Variants in TEP1 observed in about 807,000 individuals in gnomAD.
TEP1 encodes telomerase protein component 1.
In TEP1, 241 loss-of-function variants were observed where a neutral mutation model predicts 306.3. That is an observed-to-expected ratio of 0.79 (90% CI 0.71 to 0.88). The LOEUF (loss-of-function observed/expected upper bound fraction) is 0.88, where lower values mean the gene tolerates loss of function less well. Among genes scored for constraint, TEP1 ranks in the 40% least tolerant of loss-of-function variants. TEP1 has a pLI of 0.00. For synonymous variants in TEP1, 1,289 were observed against 1,305.5 expected (o/e 0.99, Z 0.27); for missense variants, 3,051 against 3,276.1 (o/e 0.93, Z 1.68).
At chr14:20,410,508 C>T (rs1005051468) in intron 1 of TEP1, among the ~76,000 whole-genome samples, 20 of 151,994 alleles carry the variant, frequency 1.3e-4, no homozygotes, top group Non-Finnish European at 2.8e-4. Context: ...CTGCAACCTC[C>T]GCCTCCCAGG....
chr14:20,391,025 C>T lies in TEP1; in HGVS notation c.2169G>A (p.Leu723=), dbSNP rs763778595. The T allele has an allele frequency of 9.3e-6, 15 of 1,614,044 alleles. No homozygotes were observed. In the South Asian group the frequency reaches 1.5e-4, roughly 17 times the overall value. The change falls in exon 14 of 55, where the codon CTG becomes CTA. Residue 723 remains leucine (L), a synonymous_variant. Coordinates refer to ENST00000262715, the MANE Select transcript of TEP1 (RefSeq NM_007110.5). ...CAGTCTTCAGAGTGTCACCTCCACA[C>T]AGCACGACGTCCACCTGCTCCGCCC... is the stretch of plus-strand genomic sequence containing the variant. The part of the protein sequence containing the change: ...ITRAEQVDVV[L]CGGDTLKTAV...
In TEP1 at chr14:20,381,661, G is replaced by A. The variant is rs145747576; in HGVS notation, c.4450C>T (p.Arg1484Cys). 6.2e-5 allele frequency: 100 copies of A among 1,610,022 alleles called. No individual in the cohort carries two copies. In the African/African-American group the frequency reaches 9.1e-4, roughly 15 times the overall value. The part of the protein sequence containing the change: ...RSLLGEGPLE[R>C]PGARLCLPDG... The stretch of plus-strand genomic sequence containing the variant: ...GGGAGGCACAGCCGGGCACCAGGGC[G>A]CTCCAGAGGGCCCTCCCCTAGCAAA... The change falls in exon 31 of 55, where the codon CGC becomes TGC. Residue 1484 changes from arginine to cysteine, a missense_variant. Physicochemically the swap from Arg to Cys is radical, Grantham distance 180 (BLOSUM62 -3). Around this residue, in one of 3 missense-constraint regions of TEP1, gnomAD observed 1,540 missense variants for 1,705.9 expected, o/e 0.90. Transcript: ENST00000262715. This position sits in a 1 kb window ranked among gnomAD's most constrained non-coding sequence, Gnocchi z 4.0.
In TEP1 at chr14:20,377,347, G is replaced by C; in HGVS notation, c.6021C>G (p.Leu2007=). Residue 2007 remains leucine (L), a synonymous_variant, in exon 41 of 55, where the codon CTC becomes CTG. Transcript: ENST00000262715. ...LKECSLQSLW[L]LSRFQKPVLG... ...GCACAGGCTTCTGGAATCTGGACAG[G>C]AGCCAGAGGGACTGAAGGGAGCATT... 3 of 1,614,200 alleles carry C rather than the reference G, an allele frequency of 1.9e-6. No individual in the cohort carries two copies. The highest frequency in any genetic ancestry group is 2.5e-6 in the Non-Finnish European group (3 of 1,180,032).
intron 13 of TEP1, 47 bp downstream of exon 13, chr14:20,391,552 G>A: frequency 1.3e-6 from 2 of 1,578,196 alleles, no homozygotes; most frequent in Non-Finnish European, 1.7e-6. Flanking sequence ...AGGATCCCCA[G>A]CATTCTACCA....
intron 2 of TEP1, among the ~76,000 whole-genome samples, chr14:20,406,866 T>A (rs998210633): frequency 1.1e-4 from 17 of 152,244 alleles, no homozygotes; most frequent in African/African-American, 3.9e-4. Context: ...TATATGTATG[T>A]ATGACTCTTT....
At position 20,373,533 on chromosome 14, in the gene TEP1, C is replaced by A. The variant is rs1285640072; in HGVS notation, c.6655G>T (p.Ala2219Ser). 2.5e-6 allele frequency: 4 copies of A among 1,614,110 alleles called. No homozygotes were observed. Among genetic ancestry groups the A allele is most frequent in the Admixed American group, 1.7e-5 (1 of 60,012 alleles). Residue 2219 changes from alanine to serine, a missense_variant, in exon 46 of 55, where the codon GCC (alanine) becomes TCC (serine). Ala to Ser is a moderately conservative substitution (Grantham distance 99). This residue lies in a region of TEP1 where 1,540 missense variants were observed against 1,705.9 expected (regional missense o/e 0.90). Transcript: ENST00000262715. ...AAGAGTGGATGCCATAACCGTGTGGCCCCATCTAGCCCGACGGTTACCACC... is the reference window on the plus strand; with the variant it reads ...AAGAGTGGATGCCATAACCGTGTGGACCCATCTAGCCCGACGGTTACCACC... ...LLVVTVGLDGATRLWHPLLVC... is the reference protein window; with the variant it reads ...LLVVTVGLDGSTRLWHPLLVC...
chr14:20,389,817 G>A lies in TEP1; in HGVS notation c.2335-77C>T. On this transcript the variant is annotated intron_variant, in intron 15 of 54. Transcript: ENST00000262715. ...GGACATTAAGATATGAGCTTTCTGA[G>A]GACAGGAGGATTAGGAGAACTCTGA... The A allele has an allele frequency of 3.2e-6, 5 of 1,568,994 alleles. 1 individual carries two copies. In the South Asian group the frequency reaches 5.8e-5, roughly 18 times the overall value.
chr14:20,379,457 G>A (rs1193585545), intron 35 of TEP1, among the ~76,000 whole-genome samples: 1 of 152,204 alleles, frequency 6.6e-6, no homozygotes, highest in Non-Finnish European at 1.5e-5. Flanking sequence ...CCTCCCATAA[G>A]CACGCTGTGC....
chr14:20,376,082 G>A (rs779737851), intron 42 of TEP1, 22 bp downstream of exon 42: 3 of 1,611,348 alleles, frequency 1.9e-6, no homozygotes, highest in East Asian at 2.2e-5. Flanking sequence ...GGACCCCAGG[G>A]TTGCATCCTT....
chr14:20,406,499 A>G, intron 2 of TEP1, 99 bp from the exon 3 acceptor site: 1 of 1,190,070 alleles, frequency 8.4e-7, no homozygotes, highest in South Asian at 1.4e-5. Flanking sequence ...AAAAGTCTAC[A>G]TCTCCATTAA....
At chr14:20,377,215 T>TA (rs371616341) in intron 41 of TEP1, 65 bp downstream of exon 41, 116,197 of 1,078,724 alleles carry the variant, frequency 0.11, 107 homozygotes, top group Non-Finnish European at 0.11. Flanking sequence ...AGCTCTGTCT[T>TA]AAAAAAAAAA....
chr14:20,403,228 T>C (rs1331929074), intron 7 of TEP1, 149 bp downstream of exon 7: 2 of 864,956 alleles, frequency 2.3e-6, no homozygotes, highest in Non-Finnish European at 3.5e-6. Flanking sequence ...ACCACATGCC[T>C]TTCCCAGTGC....
In TEP1 at chr14:20,374,472, T is replaced by C; in HGVS notation, c.6428A>G (p.Gln2143Arg). 6.2e-7 allele frequency: 1 copy of C among 1,613,526 alleles called. No homozygotes were observed. Among genetic ancestry groups the C allele is most frequent in the Non-Finnish European group, 8.5e-7 (1 of 1,179,948 alleles). ...CACAGCACTCTGATGACCCAGGAAC[T>C]GACCAAGCCGCTGTCCTGACTCTGG... ...WDPESGQRLGQFLGHQSAVSA... is the reference protein window; with the variant it reads ...WDPESGQRLGRFLGHQSAVSA... The change falls in exon 44 of 55, where the codon CAG becomes CGG. Residue 2143 changes from glutamine (Q) to arginine (R), a missense_variant. By Grantham distance (43) the Gln-to-Arg change is conservative (BLOSUM62 1). Coordinates refer to ENST00000262715, the MANE Select transcript of TEP1 (RefSeq NM_007110.5).
In TEP1 at chr14:20,401,569, C is replaced by T. The variant is rs145356843; in HGVS notation, c.1279G>A (p.Gly427Ser). 15 of 1,614,138 alleles carry T rather than the reference C, an allele frequency of 9.3e-6. No individual in the cohort carries two copies. The highest frequency in any genetic ancestry group is 5.3e-5 in the African/African-American group (4 of 75,056). Residue 427 changes from glycine (G) to serine (S), a missense_variant, in exon 8 of 55, where the codon GGT becomes AGT. Physicochemically the swap from Gly to Ser is moderately conservative, Grantham distance 56 (BLOSUM62 0). Coordinates refer to ENST00000262715, the MANE Select transcript of TEP1 (RefSeq NM_007110.5). ...TTCTTTTTCTCTGACACTGTATCAC[C>T]GGCCTTCTCAAACTGTGGAAACATC... is the stretch of plus-strand genomic sequence containing the variant. ...REEQRKFEKA[G>S]DTVSEKKNPP... is the part of the protein sequence containing the mutation.
chr14:20,402,537 C>T (rs1878838073), intron 7 of TEP1, among the ~76,000 whole-genome samples: 1 of 152,126 alleles, frequency 6.6e-6, no homozygotes, highest in Non-Finnish European at 1.5e-5. Flanking sequence ...GTTAGAAATA[C>T]TTTAAATATA....
At position 20,373,171 on chromosome 14, in the gene TEP1, A is replaced by G. The variant is rs753378510; in HGVS notation, c.6815-24T>C. The G allele has an allele frequency of 1.4e-5, 23 of 1,613,936 alleles. No homozygotes were observed. In the African/African-American group the frequency reaches 2.7e-4, roughly 19 times the overall value. ...ATCTGGAGGAGAAAGGACGTGTTTC[A>G]TTAGGAGCTGGGATACTGCTGGGAT... On this transcript the variant is annotated intron_variant, in intron 47 of 54. Coordinates refer to ENST00000262715, the MANE Select transcript of TEP1 (RefSeq NM_007110.5).
chr14:20,374,202 G>A (rs371192226), intron 44 of TEP1, among the ~76,000 whole-genome samples: 4 of 151,502 alleles, frequency 2.6e-5, no homozygotes, highest in African/African-American at 4.9e-5. Context: ...GTGATCTCTC[G>A]CCTCAGCCTC....
At position 20,408,415 on chromosome 14, in the gene TEP1, A is replaced by G; in HGVS notation, c.25T>C (p.Ser9Pro). 6.2e-7 allele frequency: 1 copy of G among 1,613,624 alleles called. No homozygotes were observed. Among genetic ancestry groups the G allele is most frequent in the East Asian group, 2.2e-5 (1 of 44,900 alleles). Residue 9 changes from serine to proline, a missense_variant, in exon 2 of 55, where the codon TCT (serine) becomes CCT (proline). Around this residue, in one of 3 missense-constraint regions of TEP1, gnomAD observed 1,507 missense variants for 1,550.5 expected, o/e 0.97. Coordinates refer to ENST00000262715, the MANE Select transcript of TEP1 (RefSeq NM_007110.5). Reference sequence around the variant, plus strand: ...AAGGAGAGGATGTCTGGATGGGCAGACACATGCCCATGGAGTTTTTCCATG... The same window carrying G: ...AAGGAGAGGATGTCTGGATGGGCAGGCACATGCCCATGGAGTTTTTCCATG... MEKLHGHVSAHPDILSLEN... is the reference protein window; with the variant it reads MEKLHGHVPAHPDILSLEN...
chr14:20,390,612 A>C, intron 15 of TEP1, 69 bp downstream of exon 15: 1 of 1,491,486 alleles, frequency 6.7e-7, no homozygotes, highest in Non-Finnish European at 9.3e-7. Context: ...AAAGGTCAAG[A>C]AATGAAATAT....
Sources: gnomAD v4.1 joint callset for allele counts (sites outside exome capture counted in the v4.1 genomes callset) on GRCh38, gnomAD v4.1.1 for gene constraint, gnomAD v4.1.1 regional missense constraint, Gnocchi (gnomAD v3.1) non-coding constraint, MANE v1.5 for transcripts, NCBI Gene and HGNC (gene_info 2026-07-23, HGNC 2026-07-21) for gene names.